The following GPATCH8 variants were observed in gnomAD, a reference collection of about 807,000 sequenced individuals.
GPATCH8 encodes the protein G patch domain-containing protein 8.
Under a neutral mutation model 118.3 loss-of-function variants are expected in GPATCH8, and 18 were observed. The observed-to-expected ratio is 0.15, with a 90% confidence interval of 0.11 to 0.23. GPATCH8 has a LOEUF of 0.23. Among genes scored for constraint, GPATCH8 ranks in the 10% least tolerant of loss-of-function variants. The pLI, the probability that GPATCH8 is intolerant of heterozygous loss-of-function variation, is 1.00. For synonymous variants in GPATCH8, 659 were observed against 684.7 expected, an observed-to-expected ratio of 0.96 and a Z score of 0.59; for missense variants, 1,631 against 1,873.8, an observed-to-expected ratio of 0.87 and a Z score of 2.39.
At chr17:44,494,605 A>G (rs1308199260) in intron 1 of GPATCH8, among the ~76,000 whole-genome samples, 1 of 152,154 alleles carries the variant, frequency 6.6e-6, no homozygotes, top group African/African-American at 2.4e-5. Context: ...AATAAAAGAA[A>G]GAAATCACAT....
intron 1 of GPATCH8, among the ~76,000 whole-genome samples, chr17:44,492,503 C>T (rs1379426692): frequency 7.9e-5 from 12 of 151,616 alleles, no homozygotes; most frequent in African/African-American, 1.5e-4. Flanking sequence ...ACCTGGGAGG[C>T]GGAGCTTGCA....
At chr17:44,417,511 G>A (rs1406179376) in intron 6 of GPATCH8, among the ~76,000 whole-genome samples, 1 of 152,100 alleles carries the variant, frequency 6.6e-6, no homozygotes, top group Non-Finnish European at 1.5e-5. Context: ...GAGCCACCAC[G>A]CTTGGCCTAA....
chr17:44,403,542 A>G (rs1188721082), intron 7 of GPATCH8, among the ~76,000 whole-genome samples: 7 of 152,132 alleles, frequency 4.6e-5, no homozygotes, highest in Non-Finnish European at 8.8e-5. Context: ...TAGTTTGTAC[A>G]CTATACAGCG....
In GPATCH8 at chr17:44,399,243, C is replaced by T. The variant is rs1225837014; in HGVS notation, c.2834G>A (p.Arg945Gln). The T allele has an allele frequency of 1.9e-6, 3 of 1,614,134 alleles. No individual in the cohort carries two copies. The highest frequency in any genetic ancestry group is 2.5e-6 in the Non-Finnish European group (3 of 1,180,008). The change falls in exon 8 of 8, where the codon CGA becomes CAA. Residue 945 changes from arginine (R) to glutamine (Q), a missense_variant. Arg to Gln is a conservative substitution (Grantham distance 43). Transcript: ENST00000591680. ...GCGCTCTCTGGTATGACTCCGAGAT[C>T]GGCTTCGGGACTGGCTGCAACTGAG... ...YSLSCSQSRS[R>Q]SRSHTRERSR... is the part of the protein sequence containing the mutation.
intron 2 of GPATCH8, among the ~76,000 whole-genome samples, chr17:44,470,548 G>T (rs1417597879): frequency 6.8e-6 from 1 of 147,540 alleles, no homozygotes; most frequent in African/African-American, 2.5e-5. Context: ...CCAGGCTGGA[G>T]TACAGTGGCG....
At chr17:44,419,168 T>C (rs2049802477) in intron 6 of GPATCH8, among the ~76,000 whole-genome samples, 1 of 152,238 alleles carries the variant, frequency 6.6e-6, no homozygotes, top group South Asian at 2.1e-4. Context: ...GCCTCTACTA[T>C]AGTTTACTAC....
At chr17:44,453,325 T>A (rs557479547) in intron 3 of GPATCH8, among the ~76,000 whole-genome samples, 5 of 152,216 alleles carry the variant, frequency 3.3e-5, no homozygotes, top group Admixed American at 1.3e-4. Context: ...GGGCAACATA[T>A]TGGACTTCTC....
intron 3 of GPATCH8, among the ~76,000 whole-genome samples, chr17:44,460,723 AC>A (rs1374953121): frequency 6.6e-6 from 1 of 152,254 alleles, no homozygotes; most frequent in Non-Finnish European, 1.5e-5. Flanking sequence ...AATGTGAAGA[AC>A]TTACAAAAGC....
rs113917244 is a variant in GPATCH8 at position 44,495,562 on chromosome 17, C to T, written c.45+7764G>A. Among the ~76,000 whole-genome samples, 850 of 152,274 alleles carry T rather than the reference C, an allele frequency of 5.6e-3. 13 individuals carry two copies. The highest frequency in any genetic ancestry group is 0.02 in the African/African-American group (820 of 41,532). On this transcript the variant is annotated intron_variant, in intron 1 of 7. Transcript: ENST00000591680. ...CAAAAACACTTCTTAACAAACTACC[C>T]GCACAGAAATACTTACACTACAATA... is the stretch of plus-strand genomic sequence containing the variant.
chr17:44,486,673 A>G (rs1968808743), intron 1 of GPATCH8: 1 of 152,212 alleles, frequency 6.6e-6, no homozygotes, highest in Non-Finnish European at 1.5e-5. Context: ...GGTATTGTTA[A>G]AAGTTTAGGC....
intron 1 of GPATCH8, among the ~76,000 whole-genome samples, chr17:44,488,291 A>G (rs1356334961): frequency 6.7e-6 from 1 of 148,728 alleles, no homozygotes; most frequent in African/African-American, 2.5e-5. Context: ...TTGTGGCGCA[A>G]TCTCAGCTCA....
chr17:44,499,899 T>TTA (rs1555651163), intron 1 of GPATCH8, among the ~76,000 whole-genome samples: 3 of 132,682 alleles, frequency 2.3e-5, no homozygotes, highest in South Asian at 4.8e-4. Flanking sequence ...TTCCAAAGAT[T>TTA]AAAAAAAAAA....
At chr17:44,460,704 G>A (rs900422584) in intron 3 of GPATCH8, among the ~76,000 whole-genome samples, 52 of 152,190 alleles carry the variant, frequency 3.4e-4, no homozygotes, top group African/African-American at 1.2e-3. Flanking sequence ...AGTTGACAAT[G>A]AACTAGTCAA....
At chr17:44,474,395 C>G (rs892243635) in intron 2 of GPATCH8, 1 of 263,910 alleles carries the variant, frequency 3.8e-6, no homozygotes, top group African/African-American at 2.3e-5. Context: ...CATATTACTC[C>G]TTAAATGTTT....
intron 6 of GPATCH8, among the ~76,000 whole-genome samples, chr17:44,414,539 G>C (rs902653947): frequency 1.3e-5 from 2 of 152,148 alleles, no homozygotes; most frequent in African/African-American, 2.4e-5. Flanking sequence ...AAACTCCTGG[G>C]ATCAAGGGAT....
At position 44,396,863 on chromosome 17, in the gene GPATCH8, G is replaced by A. The variant is rs769685097; in HGVS notation, c.*705C>T. On this transcript the variant is annotated 3_prime_UTR_variant, in exon 8 of 8. Coordinates refer to ENST00000591680, the MANE Select transcript of GPATCH8 (RefSeq NM_001002909.4). Reference sequence around the variant, plus strand: ...CTTTAGACACATGAGCTCCTCTCTGGGCCATACAGCTTTTATTCATGATAG... The same window carrying A: ...CTTTAGACACATGAGCTCCTCTCTGAGCCATACAGCTTTTATTCATGATAG... 14 of 454,112 alleles carry A rather than the reference G, an allele frequency of 3.1e-5. No individual in the cohort carries two copies. The highest frequency in any genetic ancestry group is 5.7e-5 in the Non-Finnish European group (13 of 226,768). The allele number at this position is 454,112 out of a possible 1,614,324, so 28.1% of individuals were successfully genotyped here. A position where few individuals can be genotyped will look rare whatever the true frequency, so the allele number is the denominator to read the frequency against.
At chr17:44,476,715 A>G (rs908825075) in intron 1 of GPATCH8, among the ~76,000 whole-genome samples, 8 of 152,220 alleles carry the variant, frequency 5.3e-5, no homozygotes, top group African/African-American at 1.7e-4. Flanking sequence ...CAGTTTCCAA[A>G]GCAACTATTC....
chr17:44,412,824 C>G (rs2049494987), intron 6 of GPATCH8, among the ~76,000 whole-genome samples: 1 of 152,192 alleles, frequency 6.6e-6, no homozygotes, highest in Non-Finnish European at 1.5e-5. Context: ...AAATCACAGC[C>G]TCTTCTCTCC....
Position 44,399,406 on chromosome 17 carries a change from C to G in GPATCH8, c.2671G>C (p.Asp891His), listed in dbSNP as rs768603786. Residue 891 changes from aspartate to histidine, a missense_variant, in exon 8 of 8, where the codon GAT becomes CAT. Around this residue, in one of 8 missense-constraint regions of GPATCH8, gnomAD observed 922 missense variants for 879.7 expected, o/e 1.05. Coordinates refer to ENST00000591680, the MANE Select transcript of GPATCH8 (RefSeq NM_001002909.4). Reference sequence around the variant, plus strand: ...TCACTGTAGTCACTGTAGCTGTCATCAGAGTAACTGCGCTGTCTACTATAG... The same window carrying G: ...TCACTGTAGTCACTGTAGCTGTCATGAGAGTAACTGCGCTGTCTACTATAG... Reference protein sequence around the residue: ...SCYSRQRSYSDDSYSDYSDRS... With the variant: ...SCYSRQRSYSHDSYSDYSDRS... The G allele has an allele frequency of 1.2e-6, 2 of 1,614,100 alleles. No individual in the cohort carries two copies. The highest frequency in any genetic ancestry group is 1.7e-6 in the Non-Finnish European group (2 of 1,179,938).
Sources: gnomAD v4.1 joint callset for allele counts (sites outside exome capture counted in the v4.1 genomes callset) on GRCh38, gnomAD v4.1.1 for gene constraint, gnomAD v4.1.1 regional missense constraint, MANE v1.5 for transcripts, NCBI Gene and HGNC (gene_info 2026-07-23, HGNC 2026-07-21) for gene names.